The following LRRC7 variants were observed in gnomAD, a reference collection of about 807,000 sequenced individuals.
The protein encoded by LRRC7 is leucine rich repeat containing 7.
Under a neutral mutation model 175.7 loss-of-function variants are expected in LRRC7, and 23 were observed. The ratio of observed to expected loss-of-function variants is 0.13; its 90% CI spans 0.09 to 0.19. LRRC7 has a LOEUF of 0.19. Ranked by LOEUF, LRRC7 falls within the 10% of genes least tolerant of loss-of-function variation. LRRC7 has a pLI of 1.00. For synonymous variants in LRRC7, 685 were observed against 680.9 expected, an observed-to-expected ratio of 1.01 and a Z score of -0.09; for missense variants, 1,354 against 1,904.7, an observed-to-expected ratio of 0.71 and a Z score of 5.38.
intron 22 of LRRC7, among the ~76,000 whole-genome samples, chr1:70,049,415 T>A (rs925186140): frequency 6.6e-6 from 1 of 152,142 alleles, no homozygotes; most frequent in Non-Finnish European, 1.5e-5. Flanking sequence ...GCTTATTTAA[T>A]GCAGTTTTTT....
intron 7 of LRRC7, among the ~76,000 whole-genome samples, chr1:69,842,717 C>A (rs1211523639): frequency 6.6e-6 from 1 of 152,116 alleles, no homozygotes; most frequent in African/African-American, 2.4e-5. Flanking sequence ...GAAGTAATGA[C>A]AGTATCTTTT....
chr1:69,772,520 C>T (rs1397415177), intron 3 of LRRC7, among the ~76,000 whole-genome samples: 1 of 152,108 alleles, frequency 6.6e-6, no homozygotes, highest in Non-Finnish European at 1.5e-5. Flanking sequence ...CTGAAGAATT[C>T]TAAGAGAAAC....
chr1:69,833,058 T>C (rs997091861), intron 5 of LRRC7, among the ~76,000 whole-genome samples: 3 of 151,962 alleles, frequency 2.0e-5, no homozygotes, highest in Non-Finnish European at 2.9e-5. Context: ...TGAGCCGAGA[T>C]TGCACCATTG....
At chr1:69,629,432 A>T (rs767611047) in intron 1 of LRRC7, among the ~76,000 whole-genome samples, 1 of 152,114 alleles carries the variant, frequency 6.6e-6, no homozygotes, top group Non-Finnish European at 1.5e-5. Flanking sequence ...GGAGTATATT[A>T]TGCCTGCCTT....
At chr1:69,910,091 G>T (rs377524231) in intron 7 of LRRC7, among the ~76,000 whole-genome samples, 1 of 151,864 alleles carries the variant, frequency 6.6e-6, no homozygotes, top group African/African-American at 2.4e-5. Flanking sequence ...CATTCTTCAC[G>T]TAGTTCTCGA....
chr1:69,685,071 C>T (rs184595854), intron 2 of LRRC7, among the ~76,000 whole-genome samples: 2 of 152,296 alleles, frequency 1.3e-5, no homozygotes, highest in East Asian at 3.9e-4. Context: ...TCCAGAGCAG[C>T]ACTTTTAACT....
chr1:70,092,810 A>G (rs1571304192), intron 25 of LRRC7, among the ~76,000 whole-genome samples: 2 of 152,260 alleles, frequency 1.3e-5, no homozygotes, highest in East Asian at 3.9e-4. Flanking sequence ...GGCTTTATGG[A>G]GGAATCAGGA....
rs568347984 is a variant in LRRC7 at position 70,090,444 on chromosome 1, C to A, written c.4545+625C>A. 1.3e-3 allele frequency among the ~76,000 whole-genome samples: 198 copies of A among 152,170 alleles called. 1 individual carries two copies. Among genetic ancestry groups the A allele is most frequent in the Non-Finnish European group, 3.1e-4 (21 of 68,002 alleles). ...CACCAACTCTAACCTCAGCCATTTC[C>A]TGGACATTCAAGATGTTGCCTCTGC... On this transcript the variant is annotated intron_variant, in intron 25 of 26. Transcript: ENST00000651989.
chr1:70,025,170 C>A (rs1340376667), intron 17 of LRRC7, among the ~76,000 whole-genome samples: 1 of 151,546 alleles, frequency 6.6e-6, no homozygotes, highest in Non-Finnish European at 1.5e-5. Context: ...TGTAAAGTGG[C>A]AACAGCTGCT....
intron 1 of LRRC7, among the ~76,000 whole-genome samples, chr1:69,671,545 G>A (rs577808123): frequency 3.3e-5 from 5 of 152,222 alleles, no homozygotes; most frequent in Admixed American, 6.5e-5. Flanking sequence ...GTCCACTGGC[G>A]CTGAGCCCAG....
At chr1:69,568,867 A>G (rs1347038849) in intron 1 of LRRC7, among the ~76,000 whole-genome samples, 1 of 152,186 alleles carries the variant, frequency 6.6e-6, no homozygotes, top group Non-Finnish European at 1.5e-5. Flanking sequence ...GGGCGGGTGC[A>G]TGGGAGCACC....
intron 7 of LRRC7, among the ~76,000 whole-genome samples, chr1:69,915,681 A>T (rs1342190946): frequency 6.6e-6 from 1 of 152,104 alleles, no homozygotes; most frequent in Non-Finnish European, 1.5e-5. Flanking sequence ...TTTTTTAAAA[A>T]TCATGCAACA....
In LRRC7 at chr1:70,038,921, T is replaced by C; in HGVS notation, c.3097T>C (p.Ser1033Pro). 1 of 1,613,946 alleles carries C rather than the reference T, an allele frequency of 6.2e-7. No homozygotes were observed. The highest frequency in any genetic ancestry group is 8.5e-7 in the Non-Finnish European group (1 of 1,179,984). Residue 1033 changes from serine (S) to proline (P), a missense_variant, in exon 21 of 27, where the codon TCT becomes CCT. Ser to Pro is a moderately conservative substitution (Grantham distance 74, BLOSUM62 -1). This residue lies in a region of LRRC7 where 1,032 missense variants were observed against 1,227.2 expected (regional missense o/e 0.84). Coordinates refer to ENST00000651989, the MANE Select transcript of LRRC7 (RefSeq NM_001370785.2). ...ACCAGAGCATGGTATGTCCAGTATG[T>C]CTCGAAGCCAGTCAGTCCCAATGCT... is the stretch of plus-strand genomic sequence containing the variant. ...LGPEHGMSSMSRSQSVPMLDD... is the reference protein window; with the variant it reads ...LGPEHGMSSMPRSQSVPMLDD...
chr1:69,602,020 T>C (rs558106700), intron 1 of LRRC7, among the ~76,000 whole-genome samples: 1 of 152,310 alleles, frequency 6.6e-6, no homozygotes, highest in Non-Finnish European at 1.5e-5. Context: ...AACATTCTTA[T>C]ATACCTGTCA....
intron 7 of LRRC7, among the ~76,000 whole-genome samples, chr1:69,922,282 C>T (rs1432328009): frequency 6.6e-6 from 1 of 152,184 alleles, no homozygotes; most frequent in Non-Finnish European, 1.5e-5. Context: ...ATGATCTCTT[C>T]CATCCTACCT....
chr1:69,925,964 T>C (rs1647058592), intron 7 of LRRC7, among the ~76,000 whole-genome samples: 2 of 150,796 alleles, frequency 1.3e-5, no homozygotes, highest in African/African-American at 4.9e-5. Context: ...CTCTACACAC[T>C]GCTTTGAATG....
At chr1:69,650,819 G>A (rs1655727852) in intron 1 of LRRC7, among the ~76,000 whole-genome samples, 1 of 152,134 alleles carries the variant, frequency 6.6e-6, no homozygotes, top group South Asian at 2.1e-4. Context: ...CTCCTTGGCA[G>A]AATTTGGGAG....
intron 3 of LRRC7, among the ~76,000 whole-genome samples, chr1:69,775,572 A>T (rs1289640077): frequency 6.6e-6 from 1 of 152,202 alleles, no homozygotes; most frequent in Non-Finnish European, 1.5e-5. Context: ...TATGAAGCTG[A>T]CCTTGCATAG....
chr1:69,644,075 A>G (rs1654638846), intron 1 of LRRC7, among the ~76,000 whole-genome samples: 1 of 152,130 alleles, frequency 6.6e-6, no homozygotes, highest in African/African-American at 2.4e-5. Context: ...TCAATGTCCT[A>G]TATATGGTCT....
Sources: allele counts gnomAD v4.1 joint callset (sites outside exome capture counted in the v4.1 genomes callset), GRCh38; gene constraint gnomAD v4.1.1; regional missense constraint gnomAD v4.1.1; transcripts MANE v1.5; gene names NCBI Gene and HGNC (gene_info 2026-07-23, HGNC 2026-07-21).